Variants in BEND6 observed in about 807,000 individuals in gnomAD.
The protein encoded by BEND6 is BEN domain-containing protein 6.
BEND6 carries 24 observed loss-of-function variants against 31.8 expected under a neutral mutation model. That is an observed-to-expected ratio of 0.75 (90% CI 0.55 to 1.06). BEND6 has a LOEUF of 1.06. Among genes scored for constraint, BEND6 ranks in the 50% least tolerant of loss-of-function variants. BEND6 has a pLI of 0.00. For synonymous variants in BEND6, 109 were observed against 114.6 expected (o/e 0.95, Z 0.31); for missense variants, 294 against 327.4 (o/e 0.90, Z 0.79).
At position 57,026,935 on chromosome 6, in the gene BEND6, G is replaced by A. The variant is rs545133934; in HGVS notation, c.*863G>A. On this transcript the variant is annotated 3_prime_UTR_variant, in exon 7 of 7. Transcript: ENST00000370746. ...ATAAGATATAACATGATAGATAGTT[G>A]GTCGATTACATTGCTATACTGCTTA... 3.9e-5 allele frequency: 6 copies of A among 152,136 alleles called. No homozygotes were observed. Among genetic ancestry groups the A allele is most frequent in the African/African-American group, 1.4e-4 (6 of 41,520 alleles). 9.4% of individuals were successfully genotyped at this position (152,136 alleles called of 1,614,324 possible).
chr6:57,003,864 G>A (rs370123449), intron 3 of BEND6, among the ~76,000 whole-genome samples: 6 of 152,094 alleles, frequency 3.9e-5, no homozygotes, highest in African/African-American at 1.4e-4. Context: ...TGAATATAAG[G>A]TTGGTTCAAC....
At chr6:56,958,444 G>T (rs1825170987) in intron 1 of BEND6, among the ~76,000 whole-genome samples, 1 of 152,178 alleles carries the variant, frequency 6.6e-6, no homozygotes, top group East Asian at 1.9e-4. Flanking sequence ...GGGAGGAACT[G>T]AAGATAACTC....
At chr6:56,965,931 A>G (rs1825463718) in intron 1 of BEND6, among the ~76,000 whole-genome samples, 1 of 152,112 alleles carries the variant, frequency 6.6e-6, no homozygotes, top group African/African-American at 2.4e-5. Context: ...AAAAAGCATA[A>G]TAATCTCATT....
intron 1 of BEND6, among the ~76,000 whole-genome samples, chr6:56,977,830 G>A (rs995350433): frequency 2.0e-5 from 3 of 152,118 alleles, no homozygotes; most frequent in Admixed American, 6.6e-5. Context: ...AGTGGCACAC[G>A]CCTGTAGTCC....
intron 3 of BEND6, among the ~76,000 whole-genome samples, chr6:56,998,274 T>A (rs1194307447): frequency 2.0e-5 from 3 of 152,206 alleles, no homozygotes; most frequent in East Asian, 3.8e-4. Flanking sequence ...TTTGCAATAA[T>A]GTTCCTAACT....
chr6:56,963,080 C>T (rs1232157662), intron 1 of BEND6, among the ~76,000 whole-genome samples: 2 of 152,174 alleles, frequency 1.3e-5, no homozygotes, highest in Non-Finnish European at 2.9e-5. Flanking sequence ...ACCTAACAAG[C>T]GGCATCAAAA....
At chr6:56,985,383 C>T (rs900370677) in intron 2 of BEND6, among the ~76,000 whole-genome samples, 1 of 152,074 alleles carries the variant, frequency 6.6e-6, no homozygotes, top group Non-Finnish European at 1.5e-5. Flanking sequence ...TATGGCAGCT[C>T]CACATGTTGA....
At chr6:56,963,039 A>G (rs781747857) in intron 1 of BEND6, among the ~76,000 whole-genome samples, 7 of 152,218 alleles carry the variant, frequency 4.6e-5, no homozygotes, top group Non-Finnish European at 1.0e-4. Flanking sequence ...TCCAGGGCTT[A>G]GAGATGTAAG....
intron 1 of BEND6, among the ~76,000 whole-genome samples, chr6:56,970,374 C>T (rs904038413): frequency 6.6e-6 from 1 of 151,910 alleles, no homozygotes; most frequent in African/African-American, 2.4e-5. Flanking sequence ...TTTGTTTCAC[C>T]ATGTTGGCCA....
At chr6:56,985,562 G>C (rs947753260) in intron 2 of BEND6, among the ~76,000 whole-genome samples, 1 of 152,180 alleles carries the variant, frequency 6.6e-6, no homozygotes, top group Admixed American at 6.5e-5. Context: ...TTATCAACAA[G>C]TCAGTGGTCC....
At chr6:57,010,777 G>T (rs1330956461) in intron 3 of BEND6, 2 of 845,130 alleles carry the variant, frequency 2.4e-6, no homozygotes, top group Non-Finnish European at 2.8e-6. Flanking sequence ...TGATCTGAGT[G>T]ATGAATGAGT....
chr6:57,003,399 T>C (rs1827018009), intron 3 of BEND6, among the ~76,000 whole-genome samples: 1 of 151,420 alleles, frequency 6.6e-6, no homozygotes, highest in South Asian at 2.1e-4. Context: ...TACTCAGGAG[T>C]CTGAAGCAGG....
At chr6:57,007,744 G>A (rs576542119) in intron 3 of BEND6, among the ~76,000 whole-genome samples, 12 of 152,156 alleles carry the variant, frequency 7.9e-5, no homozygotes, top group Admixed American at 5.2e-4. Context: ...TTTACAGTGC[G>A]CTGTGATCAT....
At chr6:56,992,044 C>T (rs144689872) in intron 2 of BEND6, among the ~76,000 whole-genome samples, 77 of 152,256 alleles carry the variant, frequency 5.1e-4, no homozygotes, top group African/African-American at 1.8e-3. Context: ...TGCTCAAATC[C>T]GGGCTGTATA....
At chr6:57,016,780 TACTTA>T (rs1157007842) in intron 4 of BEND6, among the ~76,000 whole-genome samples, 1 of 152,162 alleles carries the variant, frequency 6.6e-6, no homozygotes, top group Non-Finnish European at 1.5e-5. Flanking sequence ...CATCTCAAGG[TACTTA>T]ACTTTAATCA....
At chr6:56,978,334 T>G (rs184376258) in intron 1 of BEND6, among the ~76,000 whole-genome samples, 106 of 152,228 alleles carry the variant, frequency 7.0e-4, no homozygotes, top group African/African-American at 2.3e-3. Context: ...GGGTTTTTTT[T>G]GTATACTCAC....
chr6:56,992,822 T>A (rs1303149967), intron 3 of BEND6, among the ~76,000 whole-genome samples: 1 of 152,222 alleles, frequency 6.6e-6, no homozygotes, highest in Non-Finnish European at 1.5e-5. Context: ...AGATTATTTA[T>A]TGAGCATTTA....
At chr6:56,975,280 A>C (rs1270330125) in intron 1 of BEND6, among the ~76,000 whole-genome samples, 2 of 143,556 alleles carry the variant, frequency 1.4e-5, no homozygotes, top group African/African-American at 5.2e-5. Flanking sequence ...GGGGTTGTAA[A>C]AAATAATCAT....
At chr6:57,012,082 G>C (rs1827368008) in intron 3 of BEND6, among the ~76,000 whole-genome samples, 1 of 152,190 alleles carries the variant, frequency 6.6e-6, no homozygotes, top group South Asian at 2.1e-4. Context: ...CCGAGATCAT[G>C]CCACTGCACT....
Sources: allele counts gnomAD v4.1 joint callset (sites outside exome capture counted in the v4.1 genomes callset), GRCh38; gene constraint gnomAD v4.1.1; transcripts MANE v1.5; gene names NCBI Gene and HGNC (gene_info 2026-07-23, HGNC 2026-07-21).